TINAG: variants seen among roughly 807,000 people sequenced by gnomAD.
TINAG encodes tubulointerstitial nephritis antigen.
A neutral mutation model predicts 72.7 loss-of-function variants in TINAG; 83 were observed. The observed-to-expected ratio is 1.14, with a 90% confidence interval of 0.96 to 1.37. TINAG has a LOEUF of 1.37. Among genes scored for constraint, TINAG ranks in the 40% most tolerant of loss-of-function variants. The pLI is 0.00. For synonymous variants in TINAG, 234 were observed against 189.9 expected (o/e 1.23, Z -1.91); for missense variants, 685 against 576.6 (o/e 1.19, Z -1.93).
intron 9 of TINAG, among the ~76,000 whole-genome samples, chr6:54,364,196 A>G (rs1763333065): frequency 6.6e-6 from 1 of 151,510 alleles, no homozygotes; most frequent in East Asian, 1.9e-4. Context: ...CATTGGTAAT[A>G]GTACCTTTCT....
At chr6:54,341,127 A>G (rs932789591) in intron 4 of TINAG, among the ~76,000 whole-genome samples, 1 of 152,152 alleles carries the variant, frequency 6.6e-6, no homozygotes, top group African/African-American at 2.4e-5. Flanking sequence ...TTAAAGTGAT[A>G]AAATAACAAT....
intron 1 of TINAG, among the ~76,000 whole-genome samples, chr6:54,310,879 TTCTC>T (rs1172375122): frequency 1.8e-4 from 20 of 109,702 alleles, no homozygotes; most frequent in South Asian, 3.0e-4. Flanking sequence ...CTTTCTTTTT[TTCTC>T]TCTCTATTTC....
intron 9 of TINAG, among the ~76,000 whole-genome samples, chr6:54,372,620 C>A (rs1763654415): frequency 6.6e-6 from 1 of 151,456 alleles, no homozygotes; most frequent in Non-Finnish European, 1.5e-5. Flanking sequence ...AGAGCACTTG[C>A]TGGGTTATTA....
chr6:54,347,578 A>G, intron 6 of TINAG, 61 bp downstream of exon 6: 2 of 1,549,228 alleles, frequency 1.3e-6, no homozygotes, highest in Non-Finnish European at 1.7e-6. Context: ...GTGTTAGAAC[A>G]AGGAAAATAA....
chr6:54,332,207 A>AT (rs2150946019), intron 4 of TINAG, among the ~76,000 whole-genome samples: 1 of 152,296 alleles, frequency 6.6e-6, no homozygotes, highest in Non-Finnish European at 1.5e-5. Context: ...ATGCTACCTG[A>AT]CTTCAAACTA....
chr6:54,335,813 C>A (rs1476750391), intron 4 of TINAG, among the ~76,000 whole-genome samples: 1 of 152,170 alleles, frequency 6.6e-6, no homozygotes, highest in Admixed American at 6.5e-5. Context: ...TTTTCCCCAA[C>A]TTTTAAAAAA....
intron 4 of TINAG, among the ~76,000 whole-genome samples, chr6:54,341,693 A>G (rs927502296): frequency 2.6e-5 from 4 of 152,198 alleles, no homozygotes; most frequent in Admixed American, 2.0e-4. Context: ...TTTTTGCAAG[A>G]TACCAACCAG....
chr6:54,378,588 A>G (rs1387989713), intron 9 of TINAG, among the ~76,000 whole-genome samples: 1 of 152,212 alleles, frequency 6.6e-6, no homozygotes, highest in East Asian at 1.9e-4. Flanking sequence ...GCAGTTGAAC[A>G]AAAGTAAAAG....
At chr6:54,314,535 C>T (rs1409178474) in intron 1 of TINAG, among the ~76,000 whole-genome samples, 2 of 151,648 alleles carry the variant, frequency 1.3e-5, no homozygotes, top group Admixed American at 6.6e-5. Context: ...GAATGGGGTT[C>T]TGTTACAAAA....
Position 54,321,381 on chromosome 6 carries a change from C to A in TINAG, c.504C>A (p.Asp168Glu). The A allele has an allele frequency of 6.2e-7, 1 of 1,609,146 alleles. No homozygotes were observed. Among genetic ancestry groups the A allele is most frequent in the Non-Finnish European group, 8.5e-7 (1 of 1,175,912 alleles). ...SELIEQVNKG[D>E]YGWTAQNYSQ... is the part of the protein sequence containing the mutation. ...TAATTGAACAGGTCAATAAAGGAGA[C>A]TATGGGTGAGAGAAATCTTGCTTTG... The change falls in exon 3 of 11, where the codon GAC becomes GAA. Residue 168 changes from aspartate to glutamate, a missense_variant. Asp to Glu is a conservative substitution (Grantham distance 45). Coordinates refer to ENST00000259782, the MANE Select transcript of TINAG (RefSeq NM_014464.4).
intron 4 of TINAG, among the ~76,000 whole-genome samples, chr6:54,332,333 T>C (rs1784761084): frequency 6.6e-6 from 1 of 152,132 alleles, no homozygotes; most frequent in Non-Finnish European, 1.5e-5. Flanking sequence ...AACCATCTGA[T>C]CTTTGACAAA....
intron 3 of TINAG, among the ~76,000 whole-genome samples, chr6:54,325,495 T>A (rs1784582787): frequency 6.6e-6 from 1 of 152,152 alleles, no homozygotes; most frequent in Non-Finnish European, 1.5e-5. Flanking sequence ...TGTGATCTAG[T>A]ACACACACAC....
intron 5 of TINAG, among the ~76,000 whole-genome samples, chr6:54,346,824 T>C (rs1172970707): frequency 1.3e-5 from 2 of 152,044 alleles, no homozygotes; most frequent in Admixed American, 6.6e-5. Flanking sequence ...TATGGTCTCC[T>C]GGGTAGTTAA....
At chr6:54,368,896 A>ATG (rs1309431763) in intron 9 of TINAG, among the ~76,000 whole-genome samples, 1 of 151,692 alleles carries the variant, frequency 6.6e-6, no homozygotes, top group Non-Finnish European at 1.5e-5. Context: ...CTTACATTGA[A>ATG]ATTTTGAAGG....
chr6:54,340,220 T>C (rs1784964379), intron 4 of TINAG, among the ~76,000 whole-genome samples: 1 of 152,074 alleles, frequency 6.6e-6, no homozygotes, highest in South Asian at 2.1e-4. Context: ...GATTTGGAAA[T>C]ATGGTTAGAT....
At chr6:54,370,085 A>G (rs1462341078) in intron 9 of TINAG, 1 of 152,036 alleles carries the variant, frequency 6.6e-6, no homozygotes, top group Non-Finnish European at 1.5e-5. Flanking sequence ...TGAGATGTCA[A>G]ATAAAACCAG....
rs1309084867 is a variant in TINAG, at chr6:54,320,593, G to C, written c.370G>C (p.Gly124Arg). The stretch of plus-strand genomic sequence containing the variant: ...TACTTTGACAGGTTGCTTCAAAGAT[G>C]GTCAACATTATGAAGAGGGATCAGT... ...PWYPEGCFKD[G>R]QHYEEGSVIK... The change falls in exon 2 of 11, where the codon GGT becomes CGT. Residue 124 changes from glycine (G) to arginine (R), a missense_variant. Transcript: ENST00000259782. 3 of 1,601,798 alleles carry C rather than the reference G, an allele frequency of 1.9e-6. No homozygotes were observed. The Admixed American group carries it at 5.1e-5, about 27-fold the overall frequency.
intron 9 of TINAG, among the ~76,000 whole-genome samples, chr6:54,360,936 C>A (rs1763217172): frequency 7.5e-6 from 1 of 132,908 alleles, no homozygotes; most frequent in South Asian, 2.5e-4. Flanking sequence ...TTTTCAACAG[C>A]ATGTGCTTGC....
intron 9 of TINAG, among the ~76,000 whole-genome samples, chr6:54,362,053 A>T (rs2150968152): frequency 6.6e-6 from 1 of 151,750 alleles, no homozygotes; most frequent in Middle Eastern, 3.4e-3. Flanking sequence ...CATAATATAA[A>T]AGTACAAAGT....
Sources: gnomAD v4.1 joint callset for allele counts (sites outside exome capture counted in the v4.1 genomes callset) on GRCh38, gnomAD v4.1.1 for gene constraint, MANE v1.5 for transcripts, NCBI Gene and HGNC (gene_info 2026-07-23, HGNC 2026-07-21) for gene names.